The following LNX2 variants were observed in gnomAD, a reference collection of about 807,000 sequenced individuals.
The protein encoded by LNX2 is ligand of numb-protein X 2.
LNX2 carries 35 observed loss-of-function variants against 66.2 expected under a neutral mutation model. The observed-to-expected ratio is 0.53, with a 90% confidence interval of 0.40 to 0.70. LNX2 has a LOEUF of 0.70. Among genes scored for constraint, LNX2 ranks in the 30% least tolerant of loss-of-function variants. The pLI is 0.00. For missense variants in LNX2, 791 were observed against 850.8 expected (o/e 0.93, Z 0.87); for synonymous variants, 337 against 315.6 (o/e 1.07, Z -0.72).
rs777444395 is a variant in LNX2, at chr13:27,567,763, C to G, written c.732G>C (p.Gln244His). 6.2e-7 allele frequency: 1 copy of G among 1,613,922 alleles called. No homozygotes were observed. The highest frequency in any genetic ancestry group is 8.5e-7 in the Non-Finnish European group (1 of 1,179,920). ...IEIHRSNPYI[Q>H]LGISIVGGNE... ...TGCCACCCACAATGCTGATTCCTAACTGAATGTAAGGATTGGACCGATGAA... is the reference window on the plus strand; with the variant it reads ...TGCCACCCACAATGCTGATTCCTAAGTGAATGTAAGGATTGGACCGATGAA... Residue 244 changes from glutamine (Q) to histidine (H), a missense_variant, in exon 4 of 10, where the codon CAG (glutamine) becomes CAC (histidine). Coordinates refer to ENST00000316334, the MANE Select transcript of LNX2 (RefSeq NM_153371.4).
intron 1 of LNX2, among the ~76,000 whole-genome samples, chr13:27,597,757 G>C (rs1955615113): frequency 6.6e-6 from 1 of 152,098 alleles, no homozygotes; most frequent in African/African-American, 2.4e-5. Context: ...AACATTTTAG[G>C]ATACAAAAGT....
At chr13:27,611,652 AATTT>A (rs1297151595) in intron 1 of LNX2, among the ~76,000 whole-genome samples, 4 of 152,202 alleles carry the variant, frequency 2.6e-5, no homozygotes, top group African/African-American at 9.6e-5. Context: ...ATTTTGGTAG[AATTT>A]ATTTTACTTC....
chr13:27,577,562 A>T (rs1411710543), intron 2 of LNX2, among the ~76,000 whole-genome samples: 2 of 151,732 alleles, frequency 1.3e-5, no homozygotes, highest in African/African-American at 4.8e-5. Flanking sequence ...AAAAAAAAAT[A>T]ATCCCAAAAG....
chr13:27,563,038 T>TA (rs1955157874), intron 4 of LNX2, among the ~76,000 whole-genome samples: 1 of 152,228 alleles, frequency 6.6e-6, no homozygotes, highest in African/African-American at 2.4e-5. Context: ...GGTCTTGAAT[T>TA]AGAGTCCTAG....
intron 4 of LNX2, among the ~76,000 whole-genome samples, chr13:27,566,631 C>G (rs931754909): frequency 2.0e-5 from 3 of 151,936 alleles, no homozygotes; most frequent in Non-Finnish European, 4.4e-5. Context: ...AGTTGGGAGG[C>G]AGAAGTATAT....
chr13:27,583,464 G>C (rs535556972), intron 1 of LNX2, among the ~76,000 whole-genome samples: 1 of 152,076 alleles, frequency 6.6e-6, no homozygotes, highest in East Asian at 1.9e-4. Flanking sequence ...CACCATATTG[G>C]CCAGGCGGGT....
chr13:27,571,362 A>C (rs1402404623), intron 2 of LNX2, among the ~76,000 whole-genome samples: 1 of 152,262 alleles, frequency 6.6e-6, no homozygotes. Context: ...GAACACTTTC[A>C]CTGATGAGGG....
chr13:27,552,433 TA>T (rs2138314336), intron 8 of LNX2, among the ~76,000 whole-genome samples: 1 of 152,390 alleles, frequency 6.6e-6, no homozygotes, highest in South Asian at 2.1e-4. Flanking sequence ...AGCAAATTCT[TA>T]TTGTTTTATT....
At chr13:27,560,565 G>GTGTATATATATATATATATA (rs35007288) in intron 5 of LNX2, among the ~76,000 whole-genome samples, 101 of 120,000 alleles carry the variant, frequency 8.4e-4, no homozygotes, top group African/African-American at 3.2e-3. Flanking sequence ...ATGTATGTGT[G>GTGTATATATATATATATATA]TATATATATA....
chr13:27,613,107 G>A (rs957196480), intron 1 of LNX2, among the ~76,000 whole-genome samples: 1 of 152,184 alleles, frequency 6.6e-6, no homozygotes, highest in Non-Finnish European at 1.5e-5. Flanking sequence ...GCAATGTGGA[G>A]ACAGAAGCAG....
rs1409886772 is a variant in LNX2, at chr13:27,569,098, A to G, written c.586T>C (p.Ser196Pro). 1 of 1,613,350 alleles carries G rather than the reference A, an allele frequency of 6.2e-7. No homozygotes were observed. The change falls in exon 3 of 10, where the codon TCT (serine) becomes CCT (proline). Residue 196 changes from serine (S) to proline (P), a missense_variant. Transcript: ENST00000316334. ...VPVERHLTSA[S>P]LSTWSEEPGL... ...GGCTCCTCACTCCATGTGGAAAGAG[A>G]CGCTGATGTCAAGTGCCGCTCCACA...
At chr13:27,556,585 A>G (rs916853751) in intron 6 of LNX2, among the ~76,000 whole-genome samples, 172 bp from the exon 7 acceptor site, 12 of 152,200 alleles carry the variant, frequency 7.9e-5, no homozygotes, top group Admixed American at 7.2e-4. Context: ...CTGTGGATCA[A>G]TGTCAAATTT....
intron 4 of LNX2, among the ~76,000 whole-genome samples, chr13:27,564,801 C>A (rs1408617553): frequency 6.6e-6 from 1 of 152,082 alleles, no homozygotes; most frequent in African/African-American, 2.4e-5. Context: ...ATTTATTTAG[C>A]TTATACAAAG....
intron 8 of LNX2, among the ~76,000 whole-genome samples, chr13:27,552,604 G>A (rs1955019177): frequency 6.6e-6 from 1 of 152,112 alleles, no homozygotes; most frequent in African/African-American, 2.4e-5. Context: ...ACCGCGGAAA[G>A]GAATGTACCC....
At chr13:27,597,631 T>C (rs112309592) in intron 1 of LNX2, among the ~76,000 whole-genome samples, 1,841 of 152,134 alleles carry the variant, frequency 0.012, 34 homozygotes, top group African/African-American at 0.04. Context: ...AGCAGAGTTA[T>C]GGCAATAATG....
intron 1 of LNX2, among the ~76,000 whole-genome samples, chr13:27,616,459 T>C (rs1361989292): frequency 1.3e-5 from 2 of 152,166 alleles, no homozygotes; most frequent in Non-Finnish European, 2.9e-5. Context: ...CGACCTCCAC[T>C]TCCCACTCAT....
intron 1 of LNX2, among the ~76,000 whole-genome samples, chr13:27,607,052 C>T (rs950081606): frequency 1.3e-5 from 2 of 152,144 alleles, no homozygotes; most frequent in African/African-American, 4.8e-5. Flanking sequence ...CATTTATCTG[C>T]AAAGTTATTT....
At chr13:27,598,204 TAAA>T (rs10634128) in intron 1 of LNX2, among the ~76,000 whole-genome samples, 3 of 138,924 alleles carry the variant, frequency 2.2e-5, no homozygotes, top group African/African-American at 2.7e-5. Context: ...CAGCACTGTT[TAAA>T]AAAAAAAAAA....
At chr13:27,597,162 T>G (rs1421650794) in intron 1 of LNX2, among the ~76,000 whole-genome samples, 1 of 152,198 alleles carries the variant, frequency 6.6e-6, no homozygotes, top group Non-Finnish European at 1.5e-5. Flanking sequence ...GATGGCTAAC[T>G]TCATTGAAAC....
Sources: allele counts gnomAD v4.1 joint callset (sites outside exome capture counted in the v4.1 genomes callset), GRCh38; gene constraint gnomAD v4.1.1; transcripts MANE v1.5; gene names NCBI Gene and HGNC (gene_info 2026-07-23, HGNC 2026-07-21).